RBFOX1: variants seen among roughly 807,000 people sequenced by gnomAD.
The protein encoded by RBFOX1 is RNA binding protein fox-1 homolog 1.
A neutral mutation model predicts 57.7 loss-of-function variants in RBFOX1; 8 were observed. That is an observed-to-expected ratio of 0.14 (90% CI 0.08 to 0.25). RBFOX1 has a LOEUF of 0.25. RBFOX1 is among the 10% of genes least tolerant of loss of function. RBFOX1 has a pLI of 1.00. For missense variants in RBFOX1, 611 were observed against 548.5 expected (o/e 1.11, Z -1.14); for synonymous variants, 326 against 222.4 (o/e 1.47, Z -4.15).
intron 3 of RBFOX1, among the ~76,000 whole-genome samples, chr16:5,658,995 C>T (rs556736499): frequency 6.6e-6 from 1 of 151,938 alleles, no homozygotes; most frequent in East Asian, 1.9e-4. Context: ...GAGCAATTAT[C>T]TTTTTTGCAT....
intron 4 of RBFOX1, among the ~76,000 whole-genome samples, chr16:7,318,988 T>G (rs553419058): frequency 6.6e-6 from 1 of 152,272 alleles, no homozygotes; most frequent in Admixed American, 6.5e-5. Context: ...TGGGAACATA[T>G]GGGATGAACC....
intron 2 of RBFOX1, among the ~76,000 whole-genome samples, chr16:6,417,412 C>CTTTTTTT (rs35363634): frequency 1.7e-5 from 2 of 116,142 alleles, no homozygotes; most frequent in African/African-American, 3.2e-5. Context: ...AATGTGTTTA[C>CTTTTTTT]TTTTTTTTTT....
At chr16:7,685,449 G>C (rs549189991) in intron 14 of RBFOX1, among the ~76,000 whole-genome samples, 47 of 152,060 alleles carry the variant, frequency 3.1e-4, no homozygotes, top group Non-Finnish European at 5.7e-4. Context: ...TAATTGCATA[G>C]ATTCACGCTA....
intron 3 of RBFOX1, among the ~76,000 whole-genome samples, chr16:6,969,025 T>A (rs1478635049): frequency 2.6e-5 from 4 of 152,066 alleles, no homozygotes; most frequent in Non-Finnish European, 4.4e-5. Flanking sequence ...AATCTCCCAC[T>A]TTTTTTCTCC....
intron 4 of RBFOX1, among the ~76,000 whole-genome samples, chr16:5,918,464 A>G (rs1158028745): frequency 4.6e-5 from 7 of 152,182 alleles, no homozygotes; most frequent in Non-Finnish European, 8.8e-5. Flanking sequence ...GCAACTTGAC[A>G]TCCCAGAGCA....
chr16:6,623,755 C>T (rs1465091255), intron 2 of RBFOX1, among the ~76,000 whole-genome samples: 3 of 152,110 alleles, frequency 2.0e-5, no homozygotes, highest in Admixed American at 6.6e-5. Context: ...TCATCCATGT[C>T]CCTACAAAGG....
intron 4 of RBFOX1, among the ~76,000 whole-genome samples, chr16:7,300,828 T>A (rs1370666485): frequency 6.6e-6 from 1 of 152,220 alleles, no homozygotes; most frequent in African/African-American, 2.4e-5. Flanking sequence ...GATGACATTA[T>A]TGATTGCCAA....
At chr16:7,193,942 A>C (rs557495315) in intron 4 of RBFOX1, among the ~76,000 whole-genome samples, 1 of 151,190 alleles carries the variant, frequency 6.6e-6, no homozygotes, top group Non-Finnish European at 1.5e-5. Flanking sequence ...AGTAGCATCT[A>C]TCTCTAGCTA....
rs558640282 is a variant in RBFOX1 at position 6,801,033 on chromosome 16, TACTTAA to T, written c.-16+146388_-16+146393del. ...AAGTGAGAATCATTTAATTCAATGA[TACTTAA>T]ACTTGAACATGCACAAAAATCAGAC... is the stretch of plus-strand genomic sequence containing the variant. On this transcript the variant is annotated intron_variant, in intron 3 of 15. Coordinates refer to ENST00000550418, the MANE Select transcript of RBFOX1 (RefSeq NM_018723.4). 1.5e-4 allele frequency among the ~76,000 whole-genome samples: 23 copies of T among 152,192 alleles called. No homozygotes were observed. The South Asian group carries it at 2.9e-3, about 19-fold the overall frequency.
At chr16:5,894,483 C>T (rs1321022440) in intron 4 of RBFOX1, among the ~76,000 whole-genome samples, 1 of 151,998 alleles carries the variant, frequency 6.6e-6, no homozygotes, top group Admixed American at 6.5e-5. Flanking sequence ...CCATGTTGGC[C>T]TGGCTGGTCT....
intron 2 of RBFOX1, among the ~76,000 whole-genome samples, chr16:6,539,720 C>T (rs564363114): frequency 2.0e-5 from 3 of 151,788 alleles, no homozygotes; most frequent in Non-Finnish European, 2.9e-5. Context: ...ATTGCTTGAA[C>T]CTGGGAAATG....
intron 4 of RBFOX1, among the ~76,000 whole-genome samples, chr16:6,010,135 G>C (rs1424126): frequency 0.51 from 78,169 of 151,898 alleles, 23,281 homozygotes; most frequent in African/African-American, 0.81. Context: ...CCCACACCTC[G>C]TATCCCCAGG....
intron 3 of RBFOX1, among the ~76,000 whole-genome samples, chr16:6,855,241 A>T (rs1038224678): frequency 2.0e-5 from 3 of 152,054 alleles, no homozygotes; most frequent in African/African-American, 7.2e-5. Context: ...CATATGCATG[A>T]GGAAGGGAGG....
chr16:5,248,208 G>A (rs149406647), intron 1 of RBFOX1, among the ~76,000 whole-genome samples: 12 of 152,328 alleles, frequency 7.9e-5, no homozygotes, highest in South Asian at 2.1e-4. Flanking sequence ...AACAACTGGC[G>A]TTATGGAAAT....
chr16:6,816,256 C>G (rs1009293250), intron 3 of RBFOX1, among the ~76,000 whole-genome samples: 3 of 152,248 alleles, frequency 2.0e-5, no homozygotes, highest in East Asian at 3.9e-4. Context: ...CCGTAGTAAG[C>G]TATGATCACA....
chr16:6,824,983 G>GTTTTTTTTTTTTTTTT lies in RBFOX1; in HGVS notation c.-16+170349_-16+170364dup, dbSNP rs151177772. ...GGATTTCTTTTTTCTTTCTTTCTTG[G>GTTTTTTTTTTTTTTTT]TTTTTTTTTTTTTTTTTTTTTTTTT... On this transcript the variant is annotated intron_variant, in intron 3 of 15. Coordinates refer to ENST00000550418, the MANE Select transcript of RBFOX1 (RefSeq NM_018723.4). 3.8e-3 allele frequency among the ~76,000 whole-genome samples: 139 copies of GTTTTTTTTTTTTTTTT among 36,908 alleles called. 34 individuals carry two copies. The highest frequency in any genetic ancestry group is 0.059 in the Middle Eastern group (2 of 34). 24.2% of individuals were successfully genotyped at this position (36,908 alleles called of 152,430 possible).
intron 3 of RBFOX1, among the ~76,000 whole-genome samples, chr16:6,828,048 G>A (rs149225090): frequency 2.0e-5 from 3 of 152,212 alleles, no homozygotes; most frequent in African/African-American, 7.2e-5. Flanking sequence ...GTAAACCCTT[G>A]AGAAAATGAT....
chr16:5,310,277 C>T (rs1331829072), intron 1 of RBFOX1, among the ~76,000 whole-genome samples: 1 of 152,072 alleles, frequency 6.6e-6, no homozygotes, highest in Admixed American at 6.5e-5. Context: ...TAGTGCACAC[C>T]TGTAGTCCCA....
At chr16:5,826,409 T>C (rs2056057384) in intron 3 of RBFOX1, among the ~76,000 whole-genome samples, 1 of 152,154 alleles carries the variant, frequency 6.6e-6, no homozygotes, top group Non-Finnish European at 1.5e-5. Flanking sequence ...TTGAAAGTCT[T>C]TTATGCCAGG....
Sources: allele counts gnomAD v4.1 joint callset (sites outside exome capture counted in the v4.1 genomes callset), GRCh38; gene constraint gnomAD v4.1.1; transcripts MANE v1.5; gene names NCBI Gene and HGNC (gene_info 2026-07-23, HGNC 2026-07-21).